TIA1: variants seen among roughly 807,000 people sequenced by gnomAD.
TIA1 encodes cytotoxic granule associated RNA binding protein TIA1.
A neutral mutation model predicts 65.9 loss-of-function variants in TIA1; 23 were observed. The observed-to-expected ratio is 0.35, with a 90% CI of 0.25 to 0.49. The LOEUF (loss-of-function observed/expected upper bound fraction) is 0.49, where lower values mean the gene tolerates loss of function less well. TIA1 is among the 20% of genes least tolerant of loss of function. The pLI, the probability that TIA1 is intolerant of heterozygous loss-of-function variation, is 0.98. For synonymous variants in TIA1, 147 were observed against 149.4 expected, an observed-to-expected ratio of 0.98 and a Z score of 0.12; for missense variants, 371 against 477.9, an observed-to-expected ratio of 0.78 and a Z score of 2.09.
chr2:70,219,898 A>G (rs1680470582), intron 7 of TIA1, among the ~76,000 whole-genome samples: 1 of 152,008 alleles, frequency 6.6e-6, no homozygotes, highest in African/African-American at 2.4e-5. Flanking sequence ...ACATTCTTAA[A>G]AAGAAACAAA....
chr2:70,230,768 C>T lies in TIA1; in HGVS notation c.210G>A (p.Lys70=). Residue 70 remains lysine (K), a synonymous_variant, in exon 3 of 13, where the codon AAG becomes AAA. Transcript: ENST00000433529. ...TACGACAGCTTACCTTACCCATTAT[C>T]TTCCGTCCATTCATAGCAGCTAATG... is the stretch of plus-strand genomic sequence containing the variant. The part of the protein sequence containing the change: ...AAALAAMNGR[K]IMGKEVKVNW... 1 of 1,607,094 alleles carries T rather than the reference C, an allele frequency of 6.2e-7. No individual in the cohort carries two copies. The highest frequency in any genetic ancestry group is 1.1e-5 in the South Asian group (1 of 89,278).
chr2:70,238,092 C>T (rs1435855644), intron 1 of TIA1, among the ~76,000 whole-genome samples: 3 of 150,658 alleles, frequency 2.0e-5, no homozygotes, highest in Admixed American at 6.6e-5. Context: ...ACCTGGGAGA[C>T]GGAACTTGCA....
intron 6 of TIA1, chr2:70,225,306 G>T: frequency 7.9e-7 from 1 of 1,259,720 alleles, no homozygotes; most frequent in Non-Finnish European, 1.0e-6. Context: ...TAAAAAGTCA[G>T]AAAGTAAAAA....
intron 6 of TIA1, 185 bp from the exon 7 acceptor site, chr2:70,224,814 A>G (rs1683101266): frequency 1.4e-6 from 2 of 1,383,734 alleles, no homozygotes; most frequent in East Asian, 5.2e-5. Context: ...ATAGACATGC[A>G]AATCAATAAC....
rs1204333206 is a variant in TIA1 at position 70,215,498 on chromosome 2, T to A, written c.765-4A>T. The A allele has an allele frequency of 1.9e-6, 3 of 1,605,504 alleles. No individual in the cohort carries two copies. Among genetic ancestry groups the A allele is most frequent in the South Asian group, 1.1e-5 (1 of 89,666 alleles). The stretch of plus-strand genomic sequence containing the variant: ...TGCACTTTCATGGGAATTGAACCTA[T>A]TGAAAACAATATTAAGAATCACCAA... On this transcript the variant is annotated splice_polypyrimidine_tract_variant and splice_region_variant and intron_variant, in intron 10 of 12. Coordinates refer to ENST00000433529, the MANE Select transcript of TIA1 (RefSeq NM_022173.4).
chr2:70,224,240 A>G (rs1008974635), intron 7 of TIA1, among the ~76,000 whole-genome samples: 2 of 152,196 alleles, frequency 1.3e-5, no homozygotes, highest in African/African-American at 4.8e-5. Flanking sequence ...TTTATTAGCT[A>G]CTTTTAAACT....
intron 6 of TIA1, among the ~76,000 whole-genome samples, chr2:70,226,167 C>T (rs1683709490): frequency 6.6e-6 from 1 of 151,650 alleles, no homozygotes; most frequent in Admixed American, 6.6e-5. Context: ...AAAAAGTATA[C>T]ACCAATAATC....
intron 3 of TIA1, among the ~76,000 whole-genome samples, chr2:70,230,103 C>T (rs1193038911): frequency 1.5e-4 from 22 of 151,588 alleles, no homozygotes; most frequent in South Asian, 2.1e-4. Flanking sequence ...ATTAGTCAGG[C>T]GTGGTGGCGG....
At chr2:70,232,560 A>G (rs1686950596) in intron 2 of TIA1, among the ~76,000 whole-genome samples, 1 of 149,648 alleles carries the variant, frequency 6.7e-6, no homozygotes, top group Non-Finnish European at 1.5e-5. Flanking sequence ...AAAAAAAAAA[A>G]AAAAAAAAAA....
In TIA1 at chr2:70,212,748, A is replaced by G; in HGVS notation, c.1132T>C (p.Tyr378His). ...GSMLPNQPSG[Y>H]RVAGYETQ ...TGGGTTTCATACCCTGCCACTCGAT[A>G]CCCAGAAGGCTGATTGGGCAACATG... Residue 378 changes from tyrosine (Y) to histidine (H), a missense_variant, in exon 13 of 13, where the codon TAT (tyrosine) becomes CAT (histidine). By Grantham distance (83) the Tyr-to-His change is moderately conservative (BLOSUM62 2). Coordinates refer to ENST00000433529, the MANE Select transcript of TIA1 (RefSeq NM_022173.4). 6.2e-7 allele frequency: 1 copy of G among 1,613,988 alleles called. No individual in the cohort carries two copies. Among genetic ancestry groups the G allele is most frequent in the Non-Finnish European group, 8.5e-7 (1 of 1,179,910 alleles).
At chr2:70,213,676 G>C (rs1677310761) in intron 12 of TIA1, among the ~76,000 whole-genome samples, 1 of 150,140 alleles carries the variant, frequency 6.7e-6, no homozygotes, top group African/African-American at 2.5e-5. Flanking sequence ...TTTTGAGACA[G>C]AGTCTTGCTC....
At chr2:70,239,878 T>C (rs536951793) in intron 1 of TIA1, among the ~76,000 whole-genome samples, 12 of 152,318 alleles carry the variant, frequency 7.9e-5, no homozygotes, top group East Asian at 5.8e-4. Flanking sequence ...TCCTATTAAG[T>C]AGGAACTCCC....
At chr2:70,215,245 G>T in intron 11 of TIA1, 126 bp downstream of exon 11, 1 of 1,210,506 alleles carries the variant, frequency 8.3e-7, no homozygotes, top group Non-Finnish European at 1.2e-6. Flanking sequence ...TATAATACAT[G>T]TAGGAAGAGC....
At chr2:70,246,286 T>C (rs1011919576) in intron 1 of TIA1, among the ~76,000 whole-genome samples, 8 of 152,168 alleles carry the variant, frequency 5.3e-5, no homozygotes, top group Non-Finnish European at 1.2e-4. Context: ...TAAGAACATA[T>C]ATTGAGAGGC....
At chr2:70,242,601 G>T (rs546893678) in intron 1 of TIA1, among the ~76,000 whole-genome samples, 142 of 151,422 alleles carry the variant, frequency 9.4e-4, no homozygotes, top group South Asian at 1.9e-3. Flanking sequence ...TCCATAAGAG[G>T]TTTTCATTTT....
At chr2:70,216,658 G>A in intron 8 of TIA1, 159 bp from the exon 9 acceptor site, 16 of 1,370,126 alleles carry the variant, frequency 1.2e-5, no homozygotes, top group African/African-American at 1.5e-5. Flanking sequence ...CCTCCCCCAC[G>A]AATGTCTAAA....
Position 70,211,420 on chromosome 2 carries a change from GTTTT to G in TIA1, c.*1295_*1298del, listed in dbSNP as rs200228436. ...CTGTTTAAAGAGGTAGGATTTTAAGGTTTTTTTTTTGTTTATCTTTTGGCCTCTG... is the reference window on the plus strand; with the variant it reads ...CTGTTTAAAGAGGTAGGATTTTAAGGTTTTTTGTTTATCTTTTGGCCTCTG... On this transcript the variant is annotated 3_prime_UTR_variant, in exon 13 of 13. Coordinates refer to ENST00000433529, the MANE Select transcript of TIA1 (RefSeq NM_022173.4). The G allele has an allele frequency of 2.0e-5, 3 of 149,002 alleles. No individual in the cohort carries two copies. Among genetic ancestry groups the G allele is most frequent in the African/African-American group, 7.4e-5 (3 of 40,714 alleles). 9.2% of individuals were successfully genotyped at this position (149,002 alleles called of 1,614,324 possible).
intron 7 of TIA1, among the ~76,000 whole-genome samples, chr2:70,219,411 C>A (rs1680186341): frequency 1.3e-5 from 2 of 152,058 alleles, no homozygotes; most frequent in Admixed American, 6.6e-5. Context: ...TTTGTGTGCA[C>A]ACATCAAAGG....
intron 6 of TIA1, among the ~76,000 whole-genome samples, chr2:70,225,847 G>A (rs764623494): frequency 6.6e-6 from 1 of 152,128 alleles, no homozygotes; most frequent in South Asian, 2.1e-4. Flanking sequence ...AATAGGAAGA[G>A]TTTATAGGCT....
Sources: gnomAD v4.1 joint callset for allele counts (sites outside exome capture counted in the v4.1 genomes callset) on GRCh38, gnomAD v4.1.1 for gene constraint, MANE v1.5 for transcripts, NCBI Gene and HGNC (gene_info 2026-07-23, HGNC 2026-07-21) for gene names.